ANKRD28: variants seen among roughly 807,000 people sequenced by gnomAD.
ANKRD28 encodes ankyrin repeat domain 28.
In ANKRD28, 44 loss-of-function variants were observed where a neutral mutation model predicts 126.5. The ratio of observed to expected loss-of-function variants is 0.35; its 90% CI spans 0.27 to 0.45. The LOEUF (loss-of-function observed/expected upper bound fraction) is 0.45, where lower values mean the gene tolerates loss of function less well. Among genes scored for constraint, ANKRD28 ranks in the 20% least tolerant of loss-of-function variants. ANKRD28 has a pLI of 1.00. For synonymous variants in ANKRD28, 442 were observed against 468.5 expected (o/e 0.94, Z 0.73); for missense variants, 1,110 against 1,316.6 (o/e 0.84, Z 2.43).
chr3:15,728,142 C>A, intron 6 of ANKRD28, among the ~76,000 whole-genome samples: 1 of 150,868 alleles, frequency 6.6e-6, no homozygotes, highest in East Asian at 1.9e-4. Context: ...AAGGCTCATA[C>A]GATAGTTAGC....
In ANKRD28 at chr3:15,751,610, A is replaced by G. The variant is rs1426369309; in HGVS notation, c.351+140T>C. 6.1e-6 allele frequency: 4 copies of G among 651,518 alleles called. No individual in the cohort carries two copies. The East Asian group carries it at 1.2e-4, about 20-fold the overall frequency. 40.4% of individuals were successfully genotyped at this position (651,518 alleles called of 1,614,324 possible). Reference sequence around the variant, plus strand: ...ATGAAACAATTAACTTGGTTTGTACAAATTCTAAAGTAAAATGACCAGTCA... The same window carrying G: ...ATGAAACAATTAACTTGGTTTGTACGAATTCTAAAGTAAAATGACCAGTCA... On this transcript the variant is annotated intron_variant, in intron 4 of 27. Transcript: ENST00000683139.
Position 15,711,997 on chromosome 3 carries a change from GA to G in ANKRD28, c.1273+142del, listed in dbSNP as rs2072354731. 3.0e-6 allele frequency: 2 copies of G among 672,642 alleles called. 1 individual carries two copies. The highest frequency in any genetic ancestry group is 3.9e-5 in the South Asian group (2 of 50,788). 41.7% of individuals were successfully genotyped at this position (672,642 alleles called of 1,614,324 possible). On this transcript the variant is annotated intron_variant, in intron 11 of 27. Coordinates refer to ENST00000683139, the MANE Select transcript of ANKRD28 (RefSeq NM_001349278.2). Reference sequence around the variant, plus strand: ...AGGCATGAGCCACCACGCCAGACCTGAACCCAACACGTTCTAAAAGGGGTTA... The same window carrying G: ...AGGCATGAGCCACCACGCCAGACCTGACCCAACACGTTCTAAAAGGGGTTA...
At chr3:15,704,233 A>G (rs2071036633) in intron 14 of ANKRD28, among the ~76,000 whole-genome samples, 1 of 152,120 alleles carries the variant, frequency 6.6e-6, no homozygotes, top group Admixed American at 6.5e-5. Context: ...GACTTGCTGA[A>G]TGACTGTCTA....
chr3:15,810,692 T>C (rs973781869), intron 1 of ANKRD28, among the ~76,000 whole-genome samples: 2 of 145,456 alleles, frequency 1.4e-5, no homozygotes, highest in Non-Finnish European at 3.0e-5. Context: ...ATGAGTAATT[T>C]GTTCTCTCCT....
chr3:15,714,760 TA>T, intron 8 of ANKRD28, 104 bp from the exon 9 acceptor site: 1 of 772,174 alleles, frequency 1.3e-6, no homozygotes, highest in Non-Finnish European at 1.9e-6. Context: ...ATAACTATTT[TA>T]CATGAATTAA....
intron 14 of ANKRD28, among the ~76,000 whole-genome samples, chr3:15,698,869 TCA>T (rs1436444857): frequency 1.3e-5 from 2 of 152,152 alleles, no homozygotes; most frequent in African/African-American, 4.8e-5. Context: ...ATGACTTTCT[TCA>T]CAGAATTGGA....
chr3:15,775,598 T>A (rs890489357), intron 2 of ANKRD28, among the ~76,000 whole-genome samples: 2 of 152,222 alleles, frequency 1.3e-5, no homozygotes, highest in African/African-American at 4.8e-5. Context: ...CAGGTTTGAT[T>A]AGTTTGCTAG....
chr3:15,693,732 T>A (rs975448959), intron 17 of ANKRD28, among the ~76,000 whole-genome samples: 1 of 151,952 alleles, frequency 6.6e-6, no homozygotes, highest in Non-Finnish European at 1.5e-5. Flanking sequence ...CTGGGAGAGG[T>A]GATGGTGTTT....
At chr3:15,721,545 T>A (rs1201258285) in intron 7 of ANKRD28, among the ~76,000 whole-genome samples, 1 of 152,172 alleles carries the variant, frequency 6.6e-6, no homozygotes, top group Non-Finnish European at 1.5e-5. Flanking sequence ...ATCTTTTTCA[T>A]TTTGCAGTGA....
At position 15,839,919 on chromosome 3, in the gene ANKRD28, T is replaced by C. The variant is rs2061396089; in HGVS notation, c.27+19458A>G. On this transcript the variant is annotated intron_variant, in intron 1 of 27. Coordinates refer to the ANKRD28 transcript ENST00000399451. The surrounding 1 kb of genome is among the most constrained non-coding windows in gnomAD (Gnocchi z 4.3). ...ACATACCTCAACATAATGAAAGCCA[T>C]ATACCACAGACACATAGCTAGTATC... Among the ~76,000 whole-genome samples, 1 of 152,134 alleles carries C rather than the reference T, an allele frequency of 6.6e-6. No homozygotes were observed. The highest frequency in any genetic ancestry group is 1.5e-5 in the Non-Finnish European group (1 of 68,016).
upstream of ANKRD28, among the ~76,000 whole-genome samples, chr3:15,801,897 T>C (rs976900088): frequency 1.3e-5 from 2 of 152,224 alleles, no homozygotes; most frequent in Non-Finnish European, 2.9e-5. The surrounding 1 kb of genome is among the most constrained non-coding windows in gnomAD (Gnocchi z 4.9). Context: ...CAATATCGTT[T>C]GACGATCTCA....
At chr3:15,690,742 A>C (rs2068679391) in intron 17 of ANKRD28, among the ~76,000 whole-genome samples, 1 of 151,680 alleles carries the variant, frequency 6.6e-6, no homozygotes, top group Non-Finnish European at 1.5e-5. Flanking sequence ...TTTTTCTTTT[A>C]ATTTTTGTAG....
chr3:15,751,970 C>G, intron 3 of ANKRD28, 150 bp from the exon 4 acceptor site: 1 of 553,482 alleles, frequency 1.8e-6, no homozygotes, highest in Non-Finnish European at 3.1e-6. Flanking sequence ...TAAAATTACC[C>G]TTAGAATATA....
chr3:15,836,730 A>G (rs979909249), intron 1 of ANKRD28, among the ~76,000 whole-genome samples: 9 of 152,308 alleles, frequency 5.9e-5, no homozygotes, highest in Non-Finnish European at 1.2e-4. Context: ...ACAAAGAGGA[A>G]CATTTTTTTA....
intron 25 of ANKRD28, 149 bp from the exon 26 acceptor site, chr3:15,677,205 A>C (rs1042342074): frequency 1.5e-6 from 1 of 685,272 alleles, no homozygotes; most frequent in African/African-American, 1.8e-5. Context: ...ATATTTGCCC[A>C]AACACATCTT....
chr3:15,759,142 T>TG (rs2058324782), intron 3 of ANKRD28, among the ~76,000 whole-genome samples: 1 of 152,072 alleles, frequency 6.6e-6, no homozygotes, highest in Non-Finnish European at 1.5e-5. Context: ...AATAGGTGGT[T>TG]GGGGGAGGAG....
chr3:15,702,461 G>T (rs1332266236), intron 14 of ANKRD28, among the ~76,000 whole-genome samples: 1 of 152,076 alleles, frequency 6.6e-6, no homozygotes, highest in African/African-American at 2.4e-5. Context: ...TCTGTCCTCT[G>T]AAATAAAATA....
intron 10 of ANKRD28, among the ~76,000 whole-genome samples, chr3:15,712,620 G>A (rs1414403250): frequency 6.6e-6 from 1 of 152,128 alleles, no homozygotes; most frequent in Admixed American, 6.5e-5. Context: ...TCACTACCCT[G>A]TCACCCCACC....
intron 2 of ANKRD28, chr3:15,781,430 G>T (rs188922028): frequency 2.0e-5 from 3 of 152,174 alleles, no homozygotes; most frequent in African/African-American, 7.2e-5. Context: ...AACAATAAGT[G>T]AAGTGATGGA....
Sources: gnomAD v4.1 joint callset for allele counts (sites outside exome capture counted in the v4.1 genomes callset) on GRCh38, gnomAD v4.1.1 for gene constraint, Gnocchi (gnomAD v3.1) non-coding constraint, MANE v1.5 for transcripts, NCBI Gene and HGNC (gene_info 2026-07-23, HGNC 2026-07-21) for gene names.